TERF1: variants seen among roughly 807,000 people sequenced by gnomAD.
TERF1 encodes telomeric repeat binding factor 1, also known as telomeric repeat-binding factor 1.
Under a neutral mutation model 55.1 loss-of-function variants are expected in TERF1, and 20 were observed. The observed-to-expected ratio is 0.36, with a 90% confidence interval of 0.26 to 0.53. The LOEUF (loss-of-function observed/expected upper bound fraction) is 0.53, where lower values mean the gene tolerates loss of function less well. Among genes scored for constraint, TERF1 ranks in the 20% least tolerant of loss-of-function variants. The pLI is 0.91. For synonymous variants in TERF1, 168 were observed against 181.2 expected (o/e 0.93, Z 0.59); for missense variants, 439 against 535.7 (o/e 0.82, Z 1.78).
At chr8:73,029,531 G>A (rs369721178) in intron 6 of TERF1, among the ~76,000 whole-genome samples, 2 of 151,930 alleles carry the variant, frequency 1.3e-5, no homozygotes, top group East Asian at 1.9e-4. Flanking sequence ...TGAGAGGATT[G>A]TTTGAGCCCG....
At chr8:73,012,846 G>A (rs946181890) in intron 1 of TERF1, 11 of 444,316 alleles carry the variant, frequency 2.5e-5, no homozygotes, top group South Asian at 1.8e-4. Flanking sequence ...GTTTAATTGT[G>A]TCTTCTCAGA....
intron 1 of TERF1, chr8:73,012,350 A>G (rs1808311350): frequency 6.6e-6 from 1 of 152,250 alleles, no homozygotes; most frequent in South Asian, 2.1e-4. Context: ...TGCAAGAATT[A>G]TCAAAATGTG....
At chr8:73,029,219 T>C (rs1809170307) in intron 6 of TERF1, among the ~76,000 whole-genome samples, 1 of 152,174 alleles carries the variant, frequency 6.6e-6, no homozygotes, top group Non-Finnish European at 1.5e-5. Context: ...GAAATAAATA[T>C]TTTGCTCTGA....
intron 9 of TERF1, chr8:73,043,069 G>GT (rs1809898578): frequency 6.6e-6 from 1 of 152,080 alleles, no homozygotes; most frequent in Non-Finnish European, 1.5e-5. Flanking sequence ...CTGCCCTTAT[G>GT]TTTTCTTTCT....
intron 5 of TERF1, among the ~76,000 whole-genome samples, chr8:73,025,754 CAAAAAAAAAAAAAAAAAA>C (rs35028162): frequency 4.2e-5 from 2 of 47,262 alleles, no homozygotes; most frequent in African/African-American, 1.5e-4. Flanking sequence ...GACTCTGTCT[CAAAAAAAAAAAAAAAAAA>C]AAAAAAAAGC....
intron 8 of TERF1, among the ~76,000 whole-genome samples, chr8:73,034,923 T>C (rs1809448166): frequency 6.6e-6 from 1 of 152,166 alleles, no homozygotes; most frequent in Non-Finnish European, 1.5e-5. Context: ...AGCCCAGGCT[T>C]TTAATTGCTT....
intron 8 of TERF1, chr8:73,038,714 A>C: frequency 1.1e-6 from 1 of 939,942 alleles, no homozygotes; most frequent in South Asian, 4.9e-5. Flanking sequence ...AGTTACATAT[A>C]TTTGTCTTAC....
intron 1 of TERF1, chr8:73,010,592 G>A (rs1275897878): frequency 6.6e-6 from 1 of 152,178 alleles, no homozygotes; most frequent in Non-Finnish European, 1.5e-5. Flanking sequence ...CTAGCACCCC[G>A]ATCTTGTTTA....
chr8:73,013,861 G>A, intron 1 of TERF1, 34 bp from the exon 2 acceptor site: 1 of 1,439,260 alleles, frequency 6.9e-7, no homozygotes, highest in East Asian at 2.3e-5. Flanking sequence ...GATCAAGTTT[G>A]ATTTTAATAA....
chr8:73,021,841 C>A (rs1263506104), intron 3 of TERF1, among the ~76,000 whole-genome samples: 1 of 152,178 alleles, frequency 6.6e-6, no homozygotes, highest in Admixed American at 6.6e-5. Context: ...GTATCCTAAT[C>A]ATCACAAACA....
intron 8 of TERF1, among the ~76,000 whole-genome samples, chr8:73,035,014 A>G (rs1809453029): frequency 6.6e-6 from 1 of 152,230 alleles, no homozygotes; most frequent in Non-Finnish European, 1.5e-5. Context: ...TACATATGTT[A>G]CTTTAAAATA....
intron 9 of TERF1, among the ~76,000 whole-genome samples, chr8:73,041,876 C>T (rs763225132): frequency 6.6e-6 from 1 of 152,150 alleles, no homozygotes; most frequent in Non-Finnish European, 1.5e-5. Context: ...CTTATCCACA[C>T]GGATCCTCCA....
intron 5 of TERF1, 32 bp from the exon 6 acceptor site, chr8:73,026,908 C>A: frequency 6.5e-7 from 1 of 1,532,504 alleles, no homozygotes; most frequent in Non-Finnish European, 9.0e-7. Context: ...GCATTTCTTC[C>A]TATCCTTCTA....
Position 73,009,349 on chromosome 8 carries a change from C to G in TERF1, c.319+144C>G, listed in dbSNP as rs1808180691. The G allele has an allele frequency of 8.0e-6, 6 of 754,276 alleles. No individual in the cohort carries two copies. In the South Asian group the frequency reaches 1.1e-4, roughly 14 times the overall value. 46.7% of individuals were successfully genotyped at this position (754,276 alleles called of 1,614,324 possible). A position where few individuals can be genotyped will look rare whatever the true frequency, so the allele number is the denominator to read the frequency against. ...TGGGAGTCCGAGGCTCCGGGCTGAA[C>G]TTTGTTCGAATCCCGGTTCGCCCGT... is the stretch of plus-strand genomic sequence containing the variant. On this transcript the variant is annotated intron_variant, in intron 1 of 9. Coordinates refer to ENST00000276603, the MANE Select transcript of TERF1 (RefSeq NM_017489.3).
At chr8:73,030,153 A>G (rs1207528236) in intron 6 of TERF1, 183 bp from the exon 7 acceptor site, 1 of 405,240 alleles carries the variant, frequency 2.5e-6, no homozygotes, top group African/African-American at 2.1e-5. Context: ...AATACCTCTT[A>G]TAAGCATGTC....
At chr8:73,017,938 G>A (rs577039083) in intron 2 of TERF1, among the ~76,000 whole-genome samples, 9 of 152,154 alleles carry the variant, frequency 5.9e-5, no homozygotes, top group African/African-American at 1.9e-4. Flanking sequence ...CTTGATTGGC[G>A]GATCTCGTGA....
chr8:73,009,662 G>A (rs1808200102), intron 1 of TERF1: 1 of 154,128 alleles, frequency 6.5e-6, no homozygotes, highest in African/African-American at 2.4e-5. Context: ...ATTCTGTGTA[G>A]TCTCAGAATA....
chr8:73,011,863 A>G (rs1246329045), intron 1 of TERF1: 2 of 152,164 alleles, frequency 1.3e-5, no homozygotes. Flanking sequence ...CCATATGAGC[A>G]ATAGGCTCTT....
chr8:73,039,279 A>G, intron 9 of TERF1, 60 bp downstream of exon 9: 1 of 1,213,628 alleles, frequency 8.2e-7, no homozygotes, highest in Non-Finnish European at 1.1e-6. Context: ...AACTTGAATA[A>G]TTGTGATTAT....
Sources: allele counts gnomAD v4.1 joint callset (sites outside exome capture counted in the v4.1 genomes callset), GRCh38; gene constraint gnomAD v4.1.1; transcripts MANE v1.5; gene names NCBI Gene and HGNC (gene_info 2026-07-23, HGNC 2026-07-21).